Variants in ABCA2 observed in about 807,000 individuals in gnomAD.
ABCA2 encodes the protein ATP-binding cassette sub-family A member 2.
A neutral mutation model predicts 262.8 loss-of-function variants in ABCA2; 84 were observed. The observed-to-expected ratio is 0.32, with a 90% confidence interval of 0.27 to 0.38. The LOEUF (loss-of-function observed/expected upper bound fraction) is 0.38. Among genes scored for constraint, ABCA2 ranks in the 10% least tolerant of loss-of-function variants. The pLI is 1.00. For synonymous variants in ABCA2, 1,696 were observed against 1,502.9 expected, an observed-to-expected ratio of 1.13 and a Z score of -2.97; for missense variants, 2,662 against 3,405.9, an observed-to-expected ratio of 0.78 and a Z score of 5.44.
rs773665629 is a variant in ABCA2 at position 137,009,952 on chromosome 9, T to G, written c.6495+31A>C. On this transcript the variant is annotated intron_variant, in intron 42 of 48. Transcript: ENST00000341511. ...GTGGAGGCAGGGCCACCCAGCGTGC[T>G]GACTCCCTGCCCCGCCCCACAGATC... is the stretch of plus-strand genomic sequence containing the variant. 4 of 1,596,024 alleles carry G rather than the reference T, an allele frequency of 2.5e-6. No homozygotes were observed. In the African/African-American group the frequency reaches 5.4e-5, roughly 21 times the overall value.
chr9:137,021,117 A>G lies in ABCA2; in HGVS notation c.898-56T>C. The G allele has an allele frequency of 6.9e-7, 1 of 1,444,868 alleles. No homozygotes were observed. The highest frequency in any genetic ancestry group is 1.5e-5 in the South Asian group (1 of 68,936). 89.5% of individuals were successfully genotyped at this position (1,444,868 alleles called of 1,614,324 possible). A position where few individuals can be genotyped will look rare whatever the true frequency, so the allele number is the denominator to read the frequency against. On this transcript the variant is annotated intron_variant, in intron 8 of 48. Transcript: ENST00000341511. The surrounding 1 kb of genome is among the most constrained non-coding windows in gnomAD (Gnocchi z 6.0). ...GGGTGAGATGGACTGCAGGTGGGTG[A>G]TAGGTCAGGAGTGGAGCAGGGAGAC... is the stretch of plus-strand genomic sequence containing the variant.
chr9:137,026,959 G>A (rs1831673239), intron 1 of ABCA2, among the ~76,000 whole-genome samples: 1 of 152,232 alleles, frequency 6.6e-6, no homozygotes, highest in Non-Finnish European at 1.5e-5. Context: ...AAGGCCAGGT[G>A]CCCAGGGGAA....
chr9:137,020,574 A>T (rs1588523709), intron 9 of ABCA2, 79 bp from the exon 10 acceptor site: 2 of 1,546,800 alleles, frequency 1.3e-6, no homozygotes, highest in East Asian at 4.5e-5. Context: ...GGGATGGGGC[A>T]GGACTTCGGG....
intron 1 of ABCA2, among the ~76,000 whole-genome samples, chr9:137,027,082 C>T (rs554740798): frequency 2.6e-5 from 4 of 152,340 alleles, no homozygotes; most frequent in Admixed American, 1.3e-4. Context: ...GGGTCCCGCC[C>T]GGGCCCTGGC....
Position 137,022,692 on chromosome 9 carries a change from C to G in ABCA2, c.439+10G>C, listed in dbSNP as rs1263791434. The G allele has an allele frequency of 6.9e-6, 11 of 1,603,192 alleles. No homozygotes were observed. Among genetic ancestry groups the G allele is most frequent in the Non-Finnish European group, 8.5e-6 (10 of 1,177,078 alleles). The stretch of plus-strand genomic sequence containing the variant: ...AGCCCTGCCCCCCAACTTCCCTGCA[C>G]AGGGCACACCTGTGGATCTGTCCAG... On this transcript the variant is annotated intron_variant, in intron 5 of 48. Transcript: ENST00000341511.
chr9:137,016,191 G>A lies in ABCA2; in HGVS notation c.3105-17C>T. ...AGGATGGACCTGGGTAGGTGGGCGG[G>A]GTCATGACCCCACGCCCTCTGCAGG... On this transcript the variant is annotated splice_polypyrimidine_tract_variant and intron_variant, in intron 21 of 48. Coordinates refer to ENST00000341511, the MANE Select transcript of ABCA2 (RefSeq NM_001606.5). 6.2e-7 allele frequency: 1 copy of A among 1,612,234 alleles called. No individual in the cohort carries two copies. The highest frequency in any genetic ancestry group is 8.5e-7 in the Non-Finnish European group (1 of 1,179,638).
chr9:137,008,378 G>A (rs1830908003), intron 48 of ABCA2, 38 bp downstream of exon 48: 1 of 1,546,322 alleles, frequency 6.5e-7, no homozygotes, highest in Non-Finnish European at 8.7e-7. Flanking sequence ...GGGTCCAGTG[G>A]GCAGAGCCCT....
upstream of ABCA2, chr9:137,028,363 C>T (rs1036079399): frequency 2.7e-6 from 2 of 750,588 alleles, no homozygotes; most frequent in African/African-American, 3.9e-5. The surrounding 1 kb of genome is among the most constrained non-coding windows in gnomAD (Gnocchi z 6.9). Context: ...CGTCCGCGCC[C>T]GCCAGGAGGC....
intron 45 of ABCA2, 152 bp from the exon 46 acceptor site, chr9:137,009,205 G>GC: frequency 1.1e-6 from 1 of 927,592 alleles, no homozygotes; most frequent in East Asian, 2.8e-5. Flanking sequence ...AGCCCTCCAG[G>GC]CTCCTCCCCT....
Position 137,019,054 on chromosome 9 carries a change from C to T in ABCA2, c.1571G>A (p.Arg524Gln), listed in dbSNP as rs376668222. Residue 524 changes from arginine to glutamine, a missense_variant, in exon 12 of 49, where the codon CGG becomes CAG. Physicochemically the swap from Arg to Gln is conservative, Grantham distance 43 (BLOSUM62 1). Transcript: ENST00000341511. This position sits in a 1 kb window ranked among gnomAD's most constrained non-coding sequence, Gnocchi z 4.4. ...CAGGTTCAGTGCCTCGGGGTGCAGC[C>T]GCAGCTCTGCTACATACTTGGGGTG... ...RWLQQYVAELRLHPEALNLSL... is the reference protein window; with the variant it reads ...RWLQQYVAELQLHPEALNLSL... The T allele has an allele frequency of 2.1e-5, 34 of 1,611,226 alleles. No individual in the cohort carries two copies. The highest frequency in any genetic ancestry group is 9.3e-5 in the African/African-American group (7 of 74,872).
At chr9:137,028,572 C>G (rs926253043), upstream of ABCA2, 5 of 765,254 alleles carry the variant, frequency 6.5e-6, no homozygotes, top group African/African-American at 9.7e-5. This position sits in a 1 kb window ranked among gnomAD's most constrained non-coding sequence, Gnocchi z 6.9. Context: ...GCTGCGCCCA[C>G]CGCGCTGGCG....
intron 5 of ABCA2, 32 bp from the exon 6 acceptor site, chr9:137,022,510 C>T (rs766068734): frequency 3.0e-5 from 48 of 1,603,090 alleles, no homozygotes; most frequent in Middle Eastern, 1.7e-4. Context: ...GCTGAGAGGC[C>T]GCTGCACCTT....
intron 1 of ABCA2, 144 bp downstream of exon 1, chr9:137,027,931 G>A (rs1295151922): frequency 1.8e-5 from 4 of 226,640 alleles, no homozygotes; most frequent in Admixed American, 6.6e-5. Flanking sequence ...GGGCCCGGCG[G>A]GGAGGGGGCT....
In ABCA2 at chr9:137,013,551, G is replaced by A. The variant is rs745680181; in HGVS notation, c.4460C>T (p.Pro1487Leu). ...GTACTGGGAAGGTGACAGGACCAGC[G>A]GGGGCAGATCACCTGGCAGGGCGAG... ...LSVPEIGDLP[P>L]LVLSPSQYHN... Residue 1487 changes from proline to leucine, a missense_variant, in exon 29 of 49, where the codon CCG becomes CTG. Coordinates refer to ENST00000341511, the MANE Select transcript of ABCA2 (RefSeq NM_001606.5). 38 of 1,608,760 alleles carry A rather than the reference G, an allele frequency of 2.4e-5. No individual in the cohort carries two copies. The highest frequency in any genetic ancestry group is 5.6e-5 in the South Asian group (5 of 90,008).
chr9:137,019,404 C>T lies in ABCA2; in HGVS notation c.1426-98G>A. 1 of 1,373,714 alleles carries T rather than the reference C, an allele frequency of 7.3e-7. No individual in the cohort carries two copies. Among genetic ancestry groups the T allele is most frequent in the Non-Finnish European group, 9.9e-7 (1 of 1,006,014 alleles). The allele number at this position is 1,373,714 out of a possible 1,614,324, so 85.1% of individuals were successfully genotyped here. A position where few individuals can be genotyped will look rare whatever the true frequency, so the allele number is the denominator to read the frequency against. On this transcript the variant is annotated intron_variant, in intron 10 of 48. Coordinates refer to ENST00000341511, the MANE Select transcript of ABCA2 (RefSeq NM_001606.5). This position sits in a 1 kb window ranked among gnomAD's most constrained non-coding sequence, Gnocchi z 4.4. ...ACCTCCCCAGTGGCTGGTCCATTGCCAACAACTAACCCTCCCCACCTTTTT... is the reference window on the plus strand; with the variant it reads ...ACCTCCCCAGTGGCTGGTCCATTGCTAACAACTAACCCTCCCCACCTTTTT...
In ABCA2 at chr9:137,010,200, C is replaced by T; in HGVS notation, c.6346G>A (p.Gly2116Arg). Reference protein sequence around the residue: ...STTGGEAFVNGHSVLKELLQV... With the variant: ...STTGGEAFVNRHSVLKELLQV... The stretch of plus-strand genomic sequence containing the variant: ...CCAGGGCTCCCGCCCCACCTGTGTC[C>T]ATTGACGAAGGCCTCGCCCCCCGTC... Residue 2116 changes from glycine (G) to arginine (R), a missense_variant, in exon 41 of 49, where the codon GGA becomes AGA. Around this residue, in one of 12 missense-constraint regions of ABCA2, gnomAD observed 602 missense variants for 897.4 expected, o/e 0.67. Coordinates refer to ENST00000341511, the MANE Select transcript of ABCA2 (RefSeq NM_001606.5). The T allele has an allele frequency of 6.2e-7, 1 of 1,603,076 alleles. No homozygotes were observed. The highest frequency in any genetic ancestry group is 8.5e-7 in the Non-Finnish European group (1 of 1,178,456).
intron 1 of ABCA2, 96 bp from the exon 2 acceptor site, chr9:137,024,332 A>G (rs998438144): frequency 8.3e-6 from 9 of 1,088,872 alleles, no homozygotes; most frequent in Non-Finnish European, 1.0e-5. Context: ...AGACAGGACC[A>G]CGTGCTCCCT....
intron 4 of ABCA2, 31 bp downstream of exon 4, chr9:137,022,910 T>TGGGGG: frequency 3.6e-6 from 1 of 276,156 alleles, no homozygotes; most frequent in Non-Finnish European, 6.5e-6. Flanking sequence ...TGGGGAGGGG[T>TGGGGG]GGGTGCTCCG....
chr9:137,019,044 G>A lies in ABCA2; in HGVS notation c.1581C>T (p.Pro527=), dbSNP rs202175800. 9.3e-6 allele frequency: 15 copies of A among 1,611,832 alleles called. No homozygotes were observed. The highest frequency in any genetic ancestry group is 3.3e-5 in the South Asian group (3 of 91,078). Residue 527 remains proline (P), a synonymous_variant, in exon 12 of 49, where the codon CCC becomes CCT. Transcript: ENST00000341511. The surrounding 1 kb of genome is among the most constrained non-coding windows in gnomAD (Gnocchi z 4.4). ...CATCCAGTGACAGGTTCAGTGCCTC[G>A]GGGTGCAGCCGCAGCTCTGCTACAT... The part of the protein sequence containing the change: ...QQYVAELRLH[P]EALNLSLDEL...
Sources: allele counts gnomAD v4.1 joint callset (sites outside exome capture counted in the v4.1 genomes callset), GRCh38; gene constraint gnomAD v4.1.1; regional missense constraint gnomAD v4.1.1; non-coding constraint Gnocchi (gnomAD v3.1); transcripts MANE v1.5; gene names NCBI Gene and HGNC (gene_info 2026-07-23, HGNC 2026-07-21).